The following LSM8 variants were observed in gnomAD, a reference collection of about 807,000 sequenced individuals.
The protein encoded by LSM8 is LSM8 U6 small nuclear RNA associated.
A neutral mutation model predicts 15.0 loss-of-function variants in LSM8; 14 were observed. That is an observed-to-expected ratio of 0.93 (90% CI 0.62 to 1.46). The LOEUF (loss-of-function observed/expected upper bound fraction) is 1.46, where lower values mean the gene tolerates loss of function less well. Ranked by LOEUF, LSM8 falls within the 40% of genes most tolerant of loss-of-function variation. The pLI, the probability that LSM8 is intolerant of heterozygous loss-of-function variation, is 0.00. For synonymous variants in LSM8, 50 were observed against 42.1 expected (o/e 1.19, Z -0.73); for missense variants, 90 against 115.4 (o/e 0.78, Z 1.01).
At chr7:118,184,605 A>G (rs1808853666) in intron 1 of LSM8, 3 of 202,526 alleles carry the variant, frequency 1.5e-5, no homozygotes, top group African/African-American at 2.3e-5. Context: ...GGCGGCGACA[A>G]CAGTTTTGCA....
Position 118,202,324 on chromosome 7 carries a change from G to A in LSM8, c.*10322G>A, listed in dbSNP as rs1327279740. On this transcript the variant is annotated 3_prime_UTR_variant, in exon 4 of 4. Transcript: ENST00000249299. ...TGCCAGTGGCTTTAACAGGCAGGAG[G>A]AGTTCATTTATCTCGAGAGAAAAGA... Among the ~76,000 whole-genome samples the A allele has an allele frequency of 3.3e-5, 5 of 151,964 alleles. No homozygotes were observed. The highest frequency in any genetic ancestry group is 3.3e-4 in the Admixed American group (5 of 15,238).
At position 118,201,002 on chromosome 7, in the gene LSM8, A is replaced by G. The variant is rs1307572179; in HGVS notation, c.*9000A>G. Among the ~76,000 whole-genome samples, 2 of 152,138 alleles carry G rather than the reference A, an allele frequency of 1.3e-5. No individual in the cohort carries two copies. Among genetic ancestry groups the G allele is most frequent in the Non-Finnish European group, 2.9e-5 (2 of 68,008 alleles). On this transcript the variant is annotated 3_prime_UTR_variant, in exon 4 of 4. Transcript: ENST00000249299. ...CTAATTTGGTAGCAATTGACTTGAA[A>G]TTTGTGATACTTCAACTTGTGCTAG...
Position 118,200,039 on chromosome 7 carries a change from C to T in LSM8, c.*8037C>T, listed in dbSNP as rs1026136775. On this transcript the variant is annotated 3_prime_UTR_variant, in exon 4 of 4. Coordinates refer to ENST00000249299, the MANE Select transcript of LSM8 (RefSeq NM_016200.5). ...TTAGAGAACTAATGACTAGCCATAC[C>T]GAAGACATTTATCTGGAAATGCCTT... Among the ~76,000 whole-genome samples the T allele has an allele frequency of 5.3e-5, 8 of 152,038 alleles. No homozygotes were observed. The highest frequency in any genetic ancestry group is 9.7e-5 in the African/African-American group (4 of 41,418).
chr7:118,184,464 AC>A (rs1047392414), intron 1 of LSM8: 4 of 483,686 alleles, frequency 8.3e-6, no homozygotes, highest in African/African-American at 8.1e-5. Context: ...TGCCTGCAAA[AC>A]CCAAATAAAA....
chr7:118,184,237 T>C lies in LSM8; in HGVS notation c.14T>C (p.Leu5Ser), dbSNP rs1808842095. 4.5e-6 allele frequency: 7 copies of C among 1,540,802 alleles called. No homozygotes were observed. Among genetic ancestry groups the C allele is most frequent in the Non-Finnish European group, 6.1e-6 (7 of 1,141,760 alleles). ...GGGCCGAACAGCATGACGTCCGCTT[T>C]GGAGAACTACATCAACCGTATCCTC... MTSA[L>S]ENYINRTVAV... Residue 5 changes from leucine (L) to serine (S), a missense_variant, in exon 1 of 4, where the codon TTG becomes TCG. Coordinates refer to ENST00000249299, the MANE Select transcript of LSM8 (RefSeq NM_016200.5).
chr7:118,184,304 C>G lies in LSM8; in HGVS notation c.31+50C>G, dbSNP rs549167171. 10 of 1,447,064 alleles carry G rather than the reference C, an allele frequency of 6.9e-6. No individual in the cohort carries two copies. In the South Asian group the frequency reaches 1.2e-4, roughly 18 times the overall value. 89.6% of individuals were successfully genotyped at this position (1,447,064 alleles called of 1,614,324 possible). ...GCGTGAGCCGGGGTCGCGGAGAGGC[C>G]GCGGTCGGGGATCGGTGGGAGGTTG... On this transcript the variant is annotated intron_variant, in intron 1 of 3. Transcript: ENST00000249299.
At chr7:118,185,253 G>T (rs1003600037) in intron 1 of LSM8, 9 of 143,174 alleles carry the variant, frequency 6.3e-5, no homozygotes, top group South Asian at 4.5e-4. Context: ...CTTTTTTTAA[G>T]TTTTTTTTTT....
rs74954880 is a variant in LSM8, at chr7:118,195,143, T to C, written c.*3141T>C. 3.3e-5 allele frequency among the ~76,000 whole-genome samples: 5 copies of C among 152,256 alleles called. No homozygotes were observed. The East Asian group carries it at 9.7e-4, about 29-fold the overall frequency. On this transcript the variant is annotated 3_prime_UTR_variant, in exon 4 of 4. Coordinates refer to ENST00000249299, the MANE Select transcript of LSM8 (RefSeq NM_016200.5). The stretch of plus-strand genomic sequence containing the variant: ...ACCTAAGGTGCTTTAAAAATTTTCT[T>C]GGGCCCTACTCGTTGTGGTTCAGCA...
chr7:118,194,404 G>GTTTA lies in LSM8; in HGVS notation c.*2403_*2406dup, dbSNP rs1809041820. 6.6e-6 allele frequency among the ~76,000 whole-genome samples: 1 copy of GTTTA among 151,536 alleles called. No individual in the cohort carries two copies. The highest frequency in any genetic ancestry group is 2.4e-5 in the African/African-American group (1 of 41,246). ...TGACAAGATACTATCTAAACTAATA[G>GTTTA]TTTAAAATAACATTGCTTTTATGTC... On this transcript the variant is annotated 3_prime_UTR_variant, in exon 4 of 4. Transcript: ENST00000249299.
Position 118,192,800 on chromosome 7 carries a change from G to A in LSM8, c.*798G>A, listed in dbSNP as rs1809006740. 1 of 152,122 alleles carries A rather than the reference G, an allele frequency of 6.6e-6. No homozygotes were observed. Among genetic ancestry groups the A allele is most frequent in the Admixed American group, 6.5e-5 (1 of 15,270 alleles). The allele number at this position is 152,122 out of a possible 1,614,324, so 9.4% of individuals were successfully genotyped here. On this transcript the variant is annotated 3_prime_UTR_variant, in exon 4 of 4. Transcript: ENST00000249299. ...TGTTAAAGTTAGTTTATAAATGTGA[G>A]TAAATAAACTCTAAGTTTGTATTGA...
intron 3 of LSM8, chr7:118,191,158 A>G (rs1808974860): frequency 6.6e-6 from 1 of 152,138 alleles, no homozygotes; most frequent in Non-Finnish European, 1.5e-5. Context: ...ATGTAAACCC[A>G]ACCAATACTT....
At chr7:118,189,803 G>C (rs1254801002) in intron 3 of LSM8, 3 of 152,144 alleles carry the variant, frequency 2.0e-5, no homozygotes, top group African/African-American at 7.2e-5. Flanking sequence ...GGAGGTTGCA[G>C]TGAGCCAAGG....
chr7:118,191,096 ACT>A (rs1018610750), intron 3 of LSM8: 21 of 150,678 alleles, frequency 1.4e-4, no homozygotes, highest in Non-Finnish European at 2.2e-4. Flanking sequence ...CAAGAGCGAA[ACT>A]CTATCTCAAA....
Position 118,197,906 on chromosome 7 carries a change from C to T in LSM8, c.*5904C>T, listed in dbSNP as rs982938037. ...AGATTAAGATAAGCAGTTAGCACTC[C>T]CTAGAACATACTAATTTGTCAATAT... is the stretch of plus-strand genomic sequence containing the variant. On this transcript the variant is annotated 3_prime_UTR_variant, in exon 4 of 4. Transcript: ENST00000249299. 6.6e-6 allele frequency among the ~76,000 whole-genome samples: 1 copy of T among 152,046 alleles called. No individual in the cohort carries two copies. Among genetic ancestry groups the T allele is most frequent in the Non-Finnish European group, 1.5e-5 (1 of 68,012 alleles).
rs1471430816 is a variant in LSM8 at position 118,202,264 on chromosome 7, A to G, written c.*10262A>G. ...TATTATTGGTGAGTACATCAGTTAG[A>G]ATGGTATTTGGCTATAAGCACTGGA... On this transcript the variant is annotated 3_prime_UTR_variant, in exon 4 of 4. Transcript: ENST00000249299. 6.6e-6 allele frequency among the ~76,000 whole-genome samples: 1 copy of G among 152,050 alleles called. No individual in the cohort carries two copies. The highest frequency in any genetic ancestry group is 2.4e-5 in the African/African-American group (1 of 41,436).
chr7:118,188,273 T>C lies in LSM8; in HGVS notation c.73-5T>C. ...CTCTTTTTCTCCTGAATATTTTCTT[T>C]ACAGGGAACACTGAAAGGTTTTGAC... On this transcript the variant is annotated splice_region_variant and splice_polypyrimidine_tract_variant and intron_variant, in intron 2 of 3. Coordinates refer to ENST00000249299, the MANE Select transcript of LSM8 (RefSeq NM_016200.5). 6.2e-7 allele frequency: 1 copy of C among 1,613,252 alleles called. No individual in the cohort carries two copies. Among genetic ancestry groups the C allele is most frequent in the East Asian group, 2.2e-5 (1 of 44,846 alleles).
intron 2 of LSM8, 143 bp downstream of exon 2, chr7:118,185,837 G>T: frequency 1.4e-6 from 1 of 694,750 alleles, no homozygotes; most frequent in South Asian, 2.1e-5. Context: ...TTATCACTTT[G>T]CTGTCAATCC....
chr7:118,184,286 C>T, intron 1 of LSM8, 32 bp downstream of exon 1: 1 of 1,466,646 alleles, frequency 6.8e-7, no homozygotes, highest in Non-Finnish European at 9.1e-7. Context: ...CGGGCGTGAG[C>T]CGGGGTCGCG....
In LSM8 at chr7:118,199,606, A is replaced by G. The variant is rs1243244048; in HGVS notation, c.*7604A>G. Among the ~76,000 whole-genome samples the G allele has an allele frequency of 6.6e-6, 1 of 152,180 alleles. No homozygotes were observed. Among genetic ancestry groups the G allele is most frequent in the Non-Finnish European group, 1.5e-5 (1 of 68,022 alleles). On this transcript the variant is annotated 3_prime_UTR_variant, in exon 4 of 4. Coordinates refer to ENST00000249299, the MANE Select transcript of LSM8 (RefSeq NM_016200.5). ...GATTCTAACCTTTAAGGTTGGTGCC[A>G]TGGAAGGAAAACAAGTAACTTTGCA...
Sources: allele counts gnomAD v4.1 joint callset (sites outside exome capture counted in the v4.1 genomes callset), GRCh38; gene constraint gnomAD v4.1.1; transcripts MANE v1.5; gene names NCBI Gene and HGNC (gene_info 2026-07-23, HGNC 2026-07-21).